Variants in DNAJB1 observed in about 807,000 individuals in gnomAD.
DNAJB1 encodes the protein DnaJ heat shock protein family (Hsp40) member B1, also known as dnaJ homolog subfamily B member 1.
A neutral mutation model predicts 24.0 loss-of-function variants in DNAJB1; 14 were observed. The ratio of observed to expected loss-of-function variants is 0.58; its 90% CI spans 0.39 to 0.91. The LOEUF (loss-of-function observed/expected upper bound fraction) is 0.91. Ranked by LOEUF, DNAJB1 falls within the 40% of genes least tolerant of loss-of-function variation. DNAJB1 has a pLI of 0.00. For missense variants in DNAJB1, 517 were observed against 458.1 expected (o/e 1.13, Z -1.17); for synonymous variants, 262 against 174.4 (o/e 1.50, Z -3.96).
chr19:14,517,564 AG>A (rs1261638414), intron 1 of DNAJB1: 1 of 154,574 alleles, frequency 6.5e-6, no homozygotes, highest in African/African-American at 2.4e-5. Context: ...CAACGGGCAC[AG>A]GAACAAAAAG....
chr19:14,518,651 A>AC (rs1274935222), upstream of DNAJB1, among the ~76,000 whole-genome samples: 1 of 151,600 alleles, frequency 6.6e-6, no homozygotes. Context: ...GGCCCCGCCC[A>AC]CCTTTCGGGA....
intron 1 of DNAJB1, among the ~76,000 whole-genome samples, chr19:14,535,475 C>A (rs542140441): frequency 8.2e-6 from 1 of 122,294 alleles, no homozygotes; most frequent in Non-Finnish European, 1.6e-5. Flanking sequence ...CCACTGCACT[C>A]CAGCCTGGGC....
intron 1 of DNAJB1, among the ~76,000 whole-genome samples, chr19:14,559,437 TAGCGTAACTTATTTCTTTTACC>T (rs1022430428): frequency 2.0e-5 from 3 of 152,176 alleles, no homozygotes; most frequent in Non-Finnish European, 4.4e-5. Context: ...GCTTGTTTCC[TAGCGTAACTTATTTCTTTTACC>T]CCACCTGGAA....
chr19:14,552,196 G>A (rs115673750), upstream of DNAJB1, among the ~76,000 whole-genome samples: 1,212 of 136,494 alleles, frequency 8.9e-3, 23 homozygotes, highest in African/African-American at 0.031. Flanking sequence ...TTGAGATAGC[G>A]TGTCTTCTGT....
intron 1 of DNAJB1, among the ~76,000 whole-genome samples, chr19:14,558,073 G>A (rs968786545): frequency 4.6e-5 from 7 of 152,138 alleles, no homozygotes; most frequent in African/African-American, 1.7e-4. Context: ...TCCTTAATAA[G>A]ATTTATCCTA....
intron 1 of DNAJB1, among the ~76,000 whole-genome samples, chr19:14,559,766 G>A (rs949995551): frequency 4.1e-5 from 6 of 148,074 alleles, no homozygotes; most frequent in African/African-American, 7.6e-5. Context: ...CAACCTGGGC[G>A]ACAGAGTGAG....
intron 2 of DNAJB1, among the ~76,000 whole-genome samples, chr19:14,523,560 C>T (rs550647806): frequency 2.6e-5 from 4 of 151,780 alleles, no homozygotes; most frequent in African/African-American, 9.7e-5. Flanking sequence ...GATCCACCCA[C>T]CTTGGCCTCC....
intron 1 of DNAJB1, among the ~76,000 whole-genome samples, chr19:14,558,910 T>C (rs1331755114): frequency 1.3e-5 from 2 of 152,240 alleles, no homozygotes; most frequent in African/African-American, 4.8e-5. Context: ...GTTCAGCAGC[T>C]GCCTGTACCC....
At chr19:14,519,739 T>G (rs925546896), upstream of DNAJB1, among the ~76,000 whole-genome samples, 8 of 152,156 alleles carry the variant, frequency 5.3e-5, no homozygotes, top group Non-Finnish European at 1.2e-4. Flanking sequence ...CACACGTGCT[T>G]CTTTTTCTTC....
chr19:14,553,439 C>T (rs924621909), upstream of DNAJB1, among the ~76,000 whole-genome samples: 3 of 152,110 alleles, frequency 2.0e-5, no homozygotes, highest in Admixed American at 6.5e-5. Flanking sequence ...TCCACTGTGG[C>T]GCCTCGGGGA....
chr19:14,547,192 G>A (rs10408527), intron 1 of DNAJB1, among the ~76,000 whole-genome samples: 117,266 of 151,984 alleles, frequency 0.77, 46,263 homozygotes, highest in African/African-American at 0.91. Flanking sequence ...TCAAATTACT[G>A]AAGCATTTAG....
At chr19:14,558,499 G>A (rs1340680844) in intron 1 of DNAJB1, among the ~76,000 whole-genome samples, 1 of 152,136 alleles carries the variant, frequency 6.6e-6, no homozygotes, top group Non-Finnish European at 1.5e-5. Context: ...CTGTTGGCTG[G>A]GCCCCGGGAA....
At chr19:14,530,727 G>T (rs2146545209), upstream of DNAJB1, 1 of 152,194 alleles carries the variant, frequency 6.6e-6, no homozygotes, top group East Asian at 1.9e-4. Context: ...AAAAATAGCA[G>T]GTCGAGCGAT....
intron 1 of DNAJB1, among the ~76,000 whole-genome samples, chr19:14,535,746 G>A (rs2072875232): frequency 2.1e-5 from 2 of 96,198 alleles, no homozygotes; most frequent in Admixed American, 2.4e-4. Context: ...AACAGAGTGA[G>A]ACTCTGTCTC....
At chr19:14,547,159 T>C (rs1025747455) in intron 1 of DNAJB1, among the ~76,000 whole-genome samples, 2 of 152,166 alleles carry the variant, frequency 1.3e-5, no homozygotes, top group African/African-American at 4.8e-5. Flanking sequence ...TCTTATTTTT[T>C]TTTAAAGGGA....
At chr19:14,558,883 C>G (rs1487069847) in intron 1 of DNAJB1, among the ~76,000 whole-genome samples, 1 of 152,228 alleles carries the variant, frequency 6.6e-6, no homozygotes, top group Admixed American at 6.5e-5. Flanking sequence ...TGCTCAGGAT[C>G]CCCTGCCTGG....
upstream of DNAJB1, among the ~76,000 whole-genome samples, chr19:14,555,130 C>T (rs893403920): frequency 1.3e-5 from 2 of 151,516 alleles, no homozygotes; most frequent in Non-Finnish European, 2.9e-5. Flanking sequence ...GCAGGGGTGC[C>T]GTAGTGTAAT....
chr19:14,556,411 A>AAAAAAAAC (rs1408036154), intron 1 of DNAJB1, among the ~76,000 whole-genome samples: 1 of 137,318 alleles, frequency 7.3e-6, no homozygotes, highest in Non-Finnish European at 1.6e-5. Context: ...ACTCTCTCAA[A>AAAAAAAAC]AAAAAAACAA....
chr19:14,529,721 G>C (rs776469956), upstream of DNAJB1: 12 of 1,613,970 alleles, frequency 7.4e-6, no homozygotes, highest in South Asian at 1.3e-4. Flanking sequence ...GGTAAGAAGC[G>C]AGAAACAGGG....
Sources: allele counts gnomAD v4.1 joint callset (sites outside exome capture counted in the v4.1 genomes callset), GRCh38; gene constraint gnomAD v4.1.1; transcripts MANE v1.5; gene names NCBI Gene and HGNC (gene_info 2026-07-23, HGNC 2026-07-21).